Variants in KIAA0930 observed in about 807,000 individuals in gnomAD.
KIAA0930 encodes KIAA0930.
In KIAA0930, 24 loss-of-function variants were observed where a neutral mutation model predicts 43.9. That is an observed-to-expected ratio of 0.55 (90% confidence interval 0.40 to 0.77). The LOEUF (loss-of-function observed/expected upper bound fraction) is 0.77. Ranked by LOEUF, KIAA0930 falls within the 30% of genes least tolerant of loss-of-function variation. The pLI, the probability that KIAA0930 is intolerant of heterozygous loss-of-function variation, is 0.00. For missense variants in KIAA0930, 461 were observed against 574.2 expected (o/e 0.80, Z 2.02); for synonymous variants, 259 against 216.4 (o/e 1.20, Z -1.73).
intron 6 of KIAA0930, 87 bp from the exon 7 acceptor site, chr22:45,203,271 C>T (rs1601810357): frequency 7.2e-7 from 1 of 1,380,248 alleles, no homozygotes; most frequent in Non-Finnish European, 9.8e-7. Flanking sequence ...GCCAGGGCGA[C>T]CATCCCTCAA....
chr22:45,224,450 T>G (rs1393534466), intron 1 of KIAA0930, among the ~76,000 whole-genome samples: 1 of 152,114 alleles, frequency 6.6e-6, no homozygotes, highest in Non-Finnish European at 1.5e-5. Flanking sequence ...GCTCTTGATC[T>G]CACAACAACT....
chr22:45,231,175 C>A (rs1358297328), intron 1 of KIAA0930, among the ~76,000 whole-genome samples: 14 of 150,586 alleles, frequency 9.3e-5, no homozygotes, highest in African/African-American at 3.4e-4. Context: ...ATCGCTTGAA[C>A]CCAGGAGGCA....
At chr22:45,228,140 G>A (rs1175253953) in intron 1 of KIAA0930, among the ~76,000 whole-genome samples, 2 of 152,100 alleles carry the variant, frequency 1.3e-5, no homozygotes, top group East Asian at 3.9e-4. Context: ...GAGAGGGTTC[G>A]ATTTCTATTT....
intron 1 of KIAA0930, among the ~76,000 whole-genome samples, chr22:45,229,938 A>G (rs995246299): frequency 6.6e-6 from 1 of 152,246 alleles, no homozygotes; most frequent in Non-Finnish European, 1.5e-5. Context: ...TACGAAAAAT[A>G]CAAAAAAATG....
chr22:45,230,710 T>C (rs952531689), intron 1 of KIAA0930, among the ~76,000 whole-genome samples: 7 of 151,692 alleles, frequency 4.6e-5, no homozygotes, highest in Non-Finnish European at 1.0e-4. Context: ...GCCTCTTGAG[T>C]AGCTGGGATT....
intron 1 of KIAA0930, among the ~76,000 whole-genome samples, chr22:45,220,047 A>G (rs2083758332): frequency 6.6e-6 from 1 of 152,194 alleles, no homozygotes; most frequent in Non-Finnish European, 1.5e-5. Context: ...ACAGAAAATT[A>G]CAGGCTAATC....
At chr22:45,202,399 T>G (rs78538621) in intron 7 of KIAA0930, among the ~76,000 whole-genome samples, 2 of 152,184 alleles carry the variant, frequency 1.3e-5, no homozygotes, top group African/African-American at 4.8e-5. Context: ...CCAAGAGACC[T>G]TGTGACCTGG....
chr22:45,203,462 G>T (rs2147738963), intron 6 of KIAA0930, among the ~76,000 whole-genome samples: 1 of 152,262 alleles, frequency 6.6e-6, no homozygotes, highest in South Asian at 2.1e-4. Flanking sequence ...CCCGCTGGGG[G>T]AGAGGGGCCT....
chr22:45,205,049 C>T (rs1391768728), intron 5 of KIAA0930, among the ~76,000 whole-genome samples, 168 bp downstream of exon 5: 1 of 152,122 alleles, frequency 6.6e-6, no homozygotes, highest in East Asian at 1.9e-4. Flanking sequence ...ATTCACCTGC[C>T]CACAAGCAAA....
rs1012153204 is a variant in KIAA0930 at position 45,195,693 on chromosome 22, G to A, written c.*1483C>T. On this transcript the variant is annotated 3_prime_UTR_variant, in exon 10 of 10. Coordinates refer to ENST00000336156, the MANE Select transcript of KIAA0930 (RefSeq NM_001009880.2). ...GGCGAGGGGGAGGAGGGCATCCCAG[G>A]AGTCTAACATCCAACCCGACCTATG... is the stretch of plus-strand genomic sequence containing the variant. The A allele has an allele frequency of 4.6e-5, 7 of 152,598 alleles. No individual in the cohort carries two copies. Among genetic ancestry groups the A allele is most frequent in the African/African-American group, 9.7e-5 (4 of 41,390 alleles). The allele number at this position is 152,598 out of a possible 1,614,324, so 9.5% of individuals were successfully genotyped here. A position where few individuals can be genotyped will look rare whatever the true frequency, so the allele number is the denominator to read the frequency against.
intron 1 of KIAA0930, among the ~76,000 whole-genome samples, chr22:45,234,232 G>A (rs1194327115): frequency 1.3e-5 from 2 of 152,156 alleles, no homozygotes; most frequent in Admixed American, 6.5e-5. Context: ...GGGTGCCGTT[G>A]GGGAGCTGGC....
intron 1 of KIAA0930, among the ~76,000 whole-genome samples, chr22:45,228,774 T>TCCCTCTCCA (rs2083822028): frequency 6.5e-4 from 1 of 1,530 alleles, no homozygotes; most frequent in Non-Finnish European, 1.2e-3. Context: ...TCCCTCCCCA[T>TCCCTCTCCA]CCCCCCCAAC....
In KIAA0930 at chr22:45,240,641, G is replaced by A. The variant is rs1257629256; in HGVS notation, c.63C>T (p.Leu21=). ...RLSLRREVCG[L]GCFKDDRIVF... The stretch of plus-strand genomic sequence containing the variant: ...GCCTCGCCCCCGGGTCCCACTCACC[G>A]AGGCCGCAGACCTCGCGGCGCAGGC... Residue 21 remains leucine (L), a splice_region_variant and synonymous_variant, in exon 1 of 10, where the codon CTC becomes CTT. Transcript: ENST00000336156. 1.3e-6 allele frequency: 2 copies of A among 1,524,932 alleles called. No homozygotes were observed. Among genetic ancestry groups the A allele is most frequent in the Admixed American group, 2.0e-5 (1 of 50,416 alleles). The allele number at this position is 1,524,932 out of a possible 1,614,324, so 94.5% of individuals were successfully genotyped here. A position where few individuals can be genotyped will look rare whatever the true frequency, so the allele number is the denominator to read the frequency against.
At chr22:45,226,224 A>G (rs2083799441) in intron 1 of KIAA0930, 1 of 470,838 alleles carries the variant, frequency 2.1e-6, no homozygotes, top group Non-Finnish European at 4.4e-6. Flanking sequence ...AAATCCTCGA[A>G]GTGCTTTCAC....
At chr22:45,208,529 T>C (rs5765218) in intron 2 of KIAA0930, among the ~76,000 whole-genome samples, 14,766 of 116,750 alleles carry the variant, frequency 0.13, 1,698 homozygotes, top group Non-Finnish European at 0.16. Context: ...CGACTCCACA[T>C]GCAGGAGCTG....
chr22:45,195,867 G>A lies in KIAA0930; in HGVS notation c.*1309C>T, dbSNP rs892564082. The A allele has an allele frequency of 6.6e-6, 1 of 152,414 alleles. No individual in the cohort carries two copies. The allele number at this position is 152,414 out of a possible 1,614,324, so 9.4% of individuals were successfully genotyped here. A position where few individuals can be genotyped will look rare whatever the true frequency, so the allele number is the denominator to read the frequency against. On this transcript the variant is annotated 3_prime_UTR_variant, in exon 10 of 10. Transcript: ENST00000336156. ...TCGCTTTTAATAACAACATACAAAA[G>A]TCTGGAGAAAGCCCCAAAGTAGTCC... is the stretch of plus-strand genomic sequence containing the variant.
Position 45,194,052 on chromosome 22 carries a change from C to CTTT in KIAA0930, c.*3121_*3123dup, listed in dbSNP as rs71190644. 1.7e-3 allele frequency: 77 copies of CTTT among 44,344 alleles called. 28 individuals carry two copies. Among genetic ancestry groups the CTTT allele is most frequent in the South Asian group, 6.3e-3 (5 of 792 alleles). 2.7% of individuals were successfully genotyped at this position (44,344 alleles called of 1,614,324 possible). On this transcript the variant is annotated 3_prime_UTR_variant, in exon 10 of 10. Transcript: ENST00000336156. ...GGTTTGGGTTTAAAGACCAATGTAT[C>CTTT]TTTTTTTTTTTTTTTTTTTTTTTTT...
chr22:45,226,097 T>C (rs1236982214), intron 1 of KIAA0930: 1 of 372,228 alleles, frequency 2.7e-6, no homozygotes, highest in East Asian at 7.5e-5. Context: ...ACACAGGACG[T>C]GCCGAGCCCT....
chr22:45,213,299 T>C (rs2083710726), intron 1 of KIAA0930: 1 of 1,302,414 alleles, frequency 7.7e-7, no homozygotes, highest in African/African-American at 1.5e-5. Context: ...CTCAGCCCTC[T>C]GCCCAACAGT....
Sources: gnomAD v4.1 joint callset for allele counts (sites outside exome capture counted in the v4.1 genomes callset) on GRCh38, gnomAD v4.1.1 for gene constraint, MANE v1.5 for transcripts, NCBI Gene and HGNC (gene_info 2026-07-23, HGNC 2026-07-21) for gene names.